ATG3: variants seen among roughly 807,000 people sequenced by gnomAD.
ATG3 encodes the protein autophagy related 3, also known as ubiquitin-like-conjugating enzyme ATG3.
A neutral mutation model predicts 50.7 loss-of-function variants in ATG3; 25 were observed. The ratio of observed to expected loss-of-function variants is 0.49; its 90% CI spans 0.36 to 0.69. The LOEUF (loss-of-function observed/expected upper bound fraction) is 0.69. ATG3 is among the 30% of genes least tolerant of loss of function. The pLI is 0.00. For missense variants in ATG3, 281 were observed against 376.0 expected (o/e 0.75, Z 2.09); for synonymous variants, 119 against 125.5 (o/e 0.95, Z 0.34).
rs140146140 is a variant in ATG3 at position 112,540,073 on chromosome 3, C to T, written c.475+1730G>A. On this transcript the variant is annotated intron_variant, in intron 7 of 11. Transcript: ENST00000283290. ...ACATCTGAAGTTGAGAATATCTAGG[C>T]TACCTCTAGATATGGAAGTCCCTAG... is the stretch of plus-strand genomic sequence containing the variant. 2.1e-3 allele frequency among the ~76,000 whole-genome samples: 327 copies of T among 152,260 alleles called. 1 individual carries two copies. Among genetic ancestry groups the T allele is most frequent in the African/African-American group, 7.3e-3 (304 of 41,556 alleles).
At chr3:112,538,744 T>C (rs967833123) in intron 7 of ATG3, among the ~76,000 whole-genome samples, 1 of 152,156 alleles carries the variant, frequency 6.6e-6, no homozygotes, top group Non-Finnish European at 1.5e-5. Flanking sequence ...CTAACCACAC[T>C]TATTTCTGTA....
chr3:112,548,763 T>TA, intron 4 of ATG3, 123 bp from the exon 5 acceptor site: 6 of 758,476 alleles, frequency 7.9e-6, no homozygotes, highest in Non-Finnish European at 1.3e-5. Flanking sequence ...TAAGTGAATA[T>TA]TTCACTTTTA....
At chr3:112,544,805 G>C (rs1933329927) in intron 5 of ATG3, among the ~76,000 whole-genome samples, 2 of 152,028 alleles carry the variant, frequency 1.3e-5, no homozygotes, top group Non-Finnish European at 2.9e-5. Context: ...CTTGGGACCA[G>C]AAGTATTTCT....
At chr3:112,546,177 A>AC (rs1933363151) in intron 5 of ATG3, among the ~76,000 whole-genome samples, 1 of 152,116 alleles carries the variant, frequency 6.6e-6, no homozygotes, top group Non-Finnish European at 1.5e-5. Flanking sequence ...CAACAAACAA[A>AC]AAAAAACCTA....
At chr3:112,534,199 C>A in intron 11 of ATG3, 70 bp downstream of exon 11, 1 of 1,518,970 alleles carries the variant, frequency 6.6e-7, no homozygotes, top group Admixed American at 2.1e-5. Flanking sequence ...ATTAAGGTTA[C>A]ACTAAATTTC....
intron 5 of ATG3, among the ~76,000 whole-genome samples, chr3:112,547,566 A>C (rs1283441676): frequency 2.0e-5 from 3 of 152,268 alleles, no homozygotes; most frequent in Non-Finnish European, 4.4e-5. Flanking sequence ...AGCATATGAT[A>C]ATATGCATGT....
At chr3:112,536,733 A>G in intron 9 of ATG3, 131 bp from the exon 10 acceptor site, 1 of 832,444 alleles carries the variant, frequency 1.2e-6, no homozygotes, top group Non-Finnish European at 1.8e-6. Flanking sequence ...CATCCTGGCT[A>G]ACATGGTGAA....
At chr3:112,548,190 A>G (rs1178183903) in intron 5 of ATG3, among the ~76,000 whole-genome samples, 2 of 152,108 alleles carry the variant, frequency 1.3e-5, no homozygotes, top group East Asian at 3.9e-4. Context: ...CATCTCTACT[A>G]AAAATACAAA....
Position 112,561,702 on chromosome 3 carries a change from G to A in ATG3, c.-174C>T, listed in dbSNP as rs577430661. The A allele has an allele frequency of 3.7e-3, 2,380 of 639,420 alleles. 9 individuals carry two copies. The highest frequency in any genetic ancestry group is 5.4e-3 in the Admixed American group (163 of 30,258). 39.6% of individuals were successfully genotyped at this position (639,420 alleles called of 1,614,324 possible). A position where few individuals can be genotyped will look rare whatever the true frequency, so the allele number is the denominator to read the frequency against. On this transcript the variant is annotated 5_prime_UTR_variant, in exon 1 of 12. Transcript: ENST00000283290. ...GACGGGCGGGACGAGGGGGCGGGGC[G>A]GCAGGCACAGCGCGCGAAGACGGGG...
intron 5 of ATG3, among the ~76,000 whole-genome samples, chr3:112,544,657 G>GAAAAAAAAA (rs1559845139): frequency 1.2e-3 from 1 of 822 alleles, no homozygotes; most frequent in Non-Finnish European, 8.1e-3. Context: ...TCCGTCTCAG[G>GAAAAAAAAA]GAAAAAAAAA....
At position 112,542,544 on chromosome 3, in the gene ATG3, G is replaced by A. The variant is rs1443359643; in HGVS notation, c.394-660C>T. On this transcript the variant is annotated intron_variant, in intron 6 of 11. Coordinates refer to ENST00000283290, the MANE Select transcript of ATG3 (RefSeq NM_022488.5). ...TTTACCTAGGTTACATTTTACTTAG[G>A]GGTGGTTTAATTTAACACTAGAAAC... Among the ~76,000 whole-genome samples the A allele has an allele frequency of 2.6e-5, 4 of 151,884 alleles. No homozygotes were observed. The East Asian group carries it at 7.7e-4, about 29-fold the overall frequency.
intron 6 of ATG3, among the ~76,000 whole-genome samples, chr3:112,543,345 C>T (rs528281372): frequency 7.9e-5 from 12 of 151,946 alleles, no homozygotes; most frequent in African/African-American, 1.2e-4. Context: ...CGGTTGATCT[C>T]TCTGAGAAAT....
intron 8 of ATG3, 46 bp from the exon 9 acceptor site, chr3:112,537,936 G>T: frequency 6.7e-7 from 1 of 1,500,602 alleles, no homozygotes; most frequent in South Asian, 1.2e-5. Flanking sequence ...AAATCGGTAT[G>T]AATGTGACAT....
intron 5 of ATG3, among the ~76,000 whole-genome samples, chr3:112,544,609 G>A (rs1249622589): frequency 1.6e-5 from 2 of 122,660 alleles, no homozygotes; most frequent in East Asian, 2.7e-4. Flanking sequence ...AGCCGAAATC[G>A]CACCATTGCA....
chr3:112,548,655 G>T lies in ATG3; in HGVS notation c.236-15C>A. 2 of 1,598,414 alleles carry T rather than the reference G, an allele frequency of 1.3e-6. No individual in the cohort carries two copies. The highest frequency in any genetic ancestry group is 1.7e-6 in the Non-Finnish European group (2 of 1,165,880). Reference sequence around the variant, plus strand: ...ATAGCACGGCACTATAAAAAAAATGGTAAATACAGTTAACTAGCACGTAAT... The same window carrying T: ...ATAGCACGGCACTATAAAAAAAATGTTAAATACAGTTAACTAGCACGTAAT... On this transcript the variant is annotated splice_polypyrimidine_tract_variant and intron_variant, in intron 4 of 11. Transcript: ENST00000283290.
At chr3:112,533,519 C>T in intron 11 of ATG3, 1 of 985,222 alleles carries the variant, frequency 1.0e-6, no homozygotes, top group South Asian at 4.7e-5. Context: ...ATTAGCAATG[C>T]CCCACAGTCT....
chr3:112,554,006 T>C (rs946467875), intron 2 of ATG3, among the ~76,000 whole-genome samples: 1 of 152,238 alleles, frequency 6.6e-6, no homozygotes, highest in African/African-American at 2.4e-5. Context: ...GGCTGAATAT[T>C]GTACAAGTTT....
chr3:112,560,789 T>A (rs989372085), intron 1 of ATG3, among the ~76,000 whole-genome samples: 1 of 152,208 alleles, frequency 6.6e-6, no homozygotes, highest in African/African-American at 2.4e-5. Flanking sequence ...TTAAAAATGC[T>A]GTACTGTTGC....
At chr3:112,534,415 A>C in intron 10 of ATG3, 78 bp from the exon 11 acceptor site, 3 of 1,230,348 alleles carry the variant, frequency 2.4e-6, no homozygotes, top group Non-Finnish European at 3.3e-6. Flanking sequence ...TCATTTGTAA[A>C]GAAATCGACC....
Sources: allele counts gnomAD v4.1 joint callset (sites outside exome capture counted in the v4.1 genomes callset), GRCh38; gene constraint gnomAD v4.1.1; transcripts MANE v1.5; gene names NCBI Gene and HGNC (gene_info 2026-07-23, HGNC 2026-07-21).